PDE1C: variants seen among roughly 807,000 people sequenced by gnomAD.
PDE1C encodes dual specificity calcium/calmodulin-dependent 3',5'-cyclic nucleotide phosphodiesterase 1C.
Under a neutral mutation model 93.1 loss-of-function variants are expected in PDE1C, and 62 were observed. The ratio of observed to expected loss-of-function variants is 0.67; its 90% CI spans 0.54 to 0.82. The LOEUF is 0.82. Among genes scored for constraint, PDE1C ranks in the 40% least tolerant of loss-of-function variants. The pLI is 0.00. For missense variants in PDE1C, 742 were observed against 884.6 expected (o/e 0.84, Z 2.04); for synonymous variants, 325 against 310.1 (o/e 1.05, Z -0.50).
intron 3 of PDE1C, among the ~76,000 whole-genome samples, chr7:32,089,634 T>C (rs1468512926): frequency 6.6e-6 from 1 of 152,138 alleles, no homozygotes; most frequent in Non-Finnish European, 1.5e-5. Flanking sequence ...CAATCATTCA[T>C]TTGAGGGTCT....
the PDE1C span, among the ~76,000 whole-genome samples, chr7:31,641,762 T>C: frequency 2.6e-5 from 4 of 152,158 alleles, no homozygotes; most frequent in African/African-American, 9.7e-5. Flanking sequence ...ATCCAAACTT[T>C]AGTAAAAAGA....
chr7:31,618,854 T>A, the PDE1C span, among the ~76,000 whole-genome samples: 1 of 152,242 alleles, frequency 6.6e-6, no homozygotes, highest in South Asian at 2.1e-4. Context: ...GTTGTGATTA[T>A]CACTTTATTA....
At chr7:32,342,888 T>A (rs184431884) in intron 1 of PDE1C, among the ~76,000 whole-genome samples, 115 of 152,326 alleles carry the variant, frequency 7.5e-4, no homozygotes, top group African/African-American at 2.6e-3. Flanking sequence ...TACTTATTTA[T>A]TTTGTGCTTG....
chr7:31,913,772 C>A (rs1801545278), intron 2 of PDE1C, among the ~76,000 whole-genome samples: 1 of 152,264 alleles, frequency 6.6e-6, no homozygotes, highest in Non-Finnish European at 1.5e-5. Flanking sequence ...ACAGAGTTCT[C>A]CAATCCCAGC....
At chr7:31,642,114 T>C in the PDE1C span, 13,140 of 1,261,442 alleles carry the variant, frequency 0.01, 848 homozygotes, top group African/African-American at 0.15. Flanking sequence ...GAGGGGTTGA[T>C]CCAAGTCCTG....
intron 2 of PDE1C, among the ~76,000 whole-genome samples, chr7:31,962,994 T>C (rs1489033723): frequency 6.6e-6 from 1 of 152,222 alleles, no homozygotes; most frequent in East Asian, 1.9e-4. Context: ...AAAATATATC[T>C]TGTTTATGGT....
At chr7:32,348,277 G>C (rs1043882319) in intron 1 of PDE1C, among the ~76,000 whole-genome samples, 2 of 149,856 alleles carry the variant, frequency 1.3e-5, no homozygotes, top group Non-Finnish European at 2.9e-5. Flanking sequence ...TACAATAAGT[G>C]CTCAATAAAT....
chr7:32,255,650 G>A (rs1207801335), intron 1 of PDE1C, among the ~76,000 whole-genome samples: 2 of 152,210 alleles, frequency 1.3e-5, no homozygotes, highest in African/African-American at 4.8e-5. Flanking sequence ...GAAACAAAAG[G>A]TTTGGAAAGC....
At chr7:32,387,508 C>CG in intron 1 of PDE1C, among the ~76,000 whole-genome samples, 2 of 112,238 alleles carry the variant, frequency 1.8e-5, no homozygotes, top group African/African-American at 8.6e-5. Context: ...GGGGGGCTGA[C>CG]CCCCCCACCT....
At chr7:31,945,578 A>G (rs1806501410) in intron 2 of PDE1C, among the ~76,000 whole-genome samples, 2 of 152,146 alleles carry the variant, frequency 1.3e-5, no homozygotes, top group South Asian at 2.1e-4. Context: ...GCTTCTGAGG[A>G]GAAGTCTGAT....
chr7:31,620,500 G>C, the PDE1C span, among the ~76,000 whole-genome samples: 4 of 150,916 alleles, frequency 2.7e-5, no homozygotes, highest in African/African-American at 7.3e-5. Context: ...AGGCAAACAG[G>C]GTCTGGAGTG....
chr7:31,984,229 T>C (rs574248006), intron 2 of PDE1C, among the ~76,000 whole-genome samples: 2 of 152,184 alleles, frequency 1.3e-5, no homozygotes, highest in African/African-American at 4.8e-5. Flanking sequence ...TCCTGTCAGA[T>C]CAACTGAGGC....
intron 3 of PDE1C, among the ~76,000 whole-genome samples, chr7:32,147,984 T>TAAAAAAAAAAAAAAAAAAAAAAAAA (rs752433564): frequency 1.9e-4 from 15 of 79,718 alleles, no homozygotes; most frequent in South Asian, 6.2e-4. Flanking sequence ...CCATTTATGC[T>TAAAAAAAAAAAAAAAAAAAAAAAAA]AAAAAAAAAA....
chr7:32,304,700 A>C (rs1812955164), intron 1 of PDE1C, among the ~76,000 whole-genome samples: 1 of 152,158 alleles, frequency 6.6e-6, no homozygotes, highest in African/African-American at 2.4e-5. Flanking sequence ...AAAATGACTT[A>C]GCCTCTCTGA....
intron 1 of PDE1C, among the ~76,000 whole-genome samples, chr7:32,318,278 C>T (rs990125426): frequency 3.9e-5 from 6 of 152,182 alleles, no homozygotes; most frequent in African/African-American, 9.7e-5. Context: ...ACCAAACCCC[C>T]CTTCTGAGTG....
intron 17 of PDE1C, among the ~76,000 whole-genome samples, chr7:31,762,264 G>A (rs1262012673): frequency 5.9e-5 from 9 of 152,152 alleles, no homozygotes; most frequent in Non-Finnish European, 1.2e-4. Flanking sequence ...ATGTAGTGTC[G>A]TCTAAGGTGA....
At chr7:32,414,699 C>T (rs554546057) in intron 1 of PDE1C, among the ~76,000 whole-genome samples, 2 of 152,104 alleles carry the variant, frequency 1.3e-5, no homozygotes, top group African/African-American at 2.4e-5. Context: ...AAACAGTTAT[C>T]GGTGCTTCCC....
At chr7:32,007,709 C>T (rs1252852311) in intron 2 of PDE1C, among the ~76,000 whole-genome samples, 1 of 152,180 alleles carries the variant, frequency 6.6e-6, no homozygotes, top group Admixed American at 6.5e-5. Flanking sequence ...ACTAGTCATT[C>T]CACGTATTTT....
intron 2 of PDE1C, among the ~76,000 whole-genome samples, chr7:32,191,726 T>C (rs1338625566): frequency 6.6e-6 from 1 of 152,234 alleles, no homozygotes; most frequent in Non-Finnish European, 1.5e-5. Flanking sequence ...TTTTCTGGGA[T>C]AAATGCCCAA....
Sources: allele counts gnomAD v4.1 joint callset (sites outside exome capture counted in the v4.1 genomes callset), GRCh38; gene constraint gnomAD v4.1.1; transcripts MANE v1.5; gene names NCBI Gene and HGNC (gene_info 2026-07-23, HGNC 2026-07-21).